Variants in RCC1 observed in about 807,000 individuals in gnomAD.
RCC1 encodes regulator of chromosome condensation.
A neutral mutation model predicts 44.4 loss-of-function variants in RCC1; 11 were observed. The ratio of observed to expected loss-of-function variants is 0.25; its 90% CI spans 0.16 to 0.41. RCC1 has a LOEUF of 0.41. Among genes scored for constraint, RCC1 ranks in the 10% least tolerant of loss-of-function variants. The pLI, the probability that RCC1 is intolerant of heterozygous loss-of-function variation, is 1.00. For missense variants in RCC1, 386 were observed against 547.1 expected (o/e 0.71, Z 2.94); for synonymous variants, 213 against 216.5 (o/e 0.98, Z 0.14).
At chr1:28,535,468 G>A in intron 9 of RCC1, 88 bp downstream of exon 9, 1 of 1,582,582 alleles carries the variant, frequency 6.3e-7, no homozygotes. Context: ...GCTGTGGTCA[G>A]GCTTGCATCA....
intron 4 of RCC1, among the ~76,000 whole-genome samples, chr1:28,520,571 T>G (rs1663205312): frequency 6.6e-6 from 1 of 152,158 alleles, no homozygotes; most frequent in African/African-American, 2.4e-5. Flanking sequence ...GGGATGAGTC[T>G]GCTCACCTCA....
chr1:28,533,042 G>A (rs1052781687), intron 7 of RCC1, among the ~76,000 whole-genome samples: 1 of 151,878 alleles, frequency 6.6e-6, no homozygotes, highest in African/African-American at 2.4e-5. Flanking sequence ...TCGAACTCCC[G>A]ACCCCAGGTG....
chr1:28,511,307 C>G (rs1019700350), intron 3 of RCC1, among the ~76,000 whole-genome samples: 2 of 151,952 alleles, frequency 1.3e-5, no homozygotes, highest in Admixed American at 6.6e-5. Flanking sequence ...TTCTTAGGGT[C>G]TCTAGATGGA....
chr1:28,523,317 C>A (rs991402507), intron 4 of RCC1, among the ~76,000 whole-genome samples: 1 of 152,070 alleles, frequency 6.6e-6, no homozygotes. Flanking sequence ...CCGCGCCCGG[C>A]CAGAAGAAAT....
chr1:28,533,958 A>G (rs1345659697), intron 7 of RCC1, among the ~76,000 whole-genome samples: 3 of 127,072 alleles, frequency 2.4e-5, no homozygotes, highest in Admixed American at 9.3e-5. Flanking sequence ...GCTCAGTGCA[A>G]CCTCTGCCTC....
chr1:28,507,308 T>C (rs916480912), intron 1 of RCC1: 1 of 510,892 alleles, frequency 2.0e-6, no homozygotes, highest in East Asian at 5.5e-5. Context: ...TGTAGTAACA[T>C]GAATGGATGA....
chr1:28,528,023 A>AAAAC (rs1292726296), intron 4 of RCC1, among the ~76,000 whole-genome samples: 1 of 150,436 alleles, frequency 6.6e-6, no homozygotes, highest in African/African-American at 2.5e-5. Context: ...AAAAAAAAAA[A>AAAAC]AAAAACATGT....
intron 4 of RCC1, 83 bp downstream of exon 4, chr1:28,516,950 GTC>G (rs1447998094): frequency 1.1e-5 from 5 of 441,328 alleles, no homozygotes; most frequent in African/African-American, 8.1e-5. Flanking sequence ...GCGAAACCCA[GTC>G]TCTACTAAAA....
In RCC1 at chr1:28,536,464, T is replaced by A. The variant is rs551256550; in HGVS notation, c.937+83T>A. 6.6e-7 allele frequency: 1 copy of A among 1,516,102 alleles called. No homozygotes were observed. Among genetic ancestry groups the A allele is most frequent in the African/African-American group, 1.4e-5 (1 of 72,410 alleles). 93.9% of individuals were successfully genotyped at this position (1,516,102 alleles called of 1,614,324 possible). A position where few individuals can be genotyped will look rare whatever the true frequency, so the allele number is the denominator to read the frequency against. ...AGCCAGATTCCTGAGACCATGGTCC[T>A]TGGAGCCTGGGTCTGTTCCATGGGT... On this transcript the variant is annotated intron_variant, in intron 11 of 12. Coordinates refer to ENST00000683442, the MANE Select transcript of RCC1 (RefSeq NM_001381865.2). The surrounding 1 kb of genome is among the most constrained non-coding windows in gnomAD (Gnocchi z 4.9).
At chr1:28,520,819 T>C (rs1386309656) in intron 4 of RCC1, among the ~76,000 whole-genome samples, 1 of 152,178 alleles carries the variant, frequency 6.6e-6, no homozygotes, top group Non-Finnish European at 1.5e-5. Context: ...GGCTCACGAC[T>C]GTAACCCCAG....
Position 28,536,995 on chromosome 1 carries a change from G to T in RCC1, c.1090+96G>T. The T allele has an allele frequency of 2.2e-6, 3 of 1,377,772 alleles. No homozygotes were observed. In the South Asian group the frequency reaches 3.8e-5, roughly 17 times the overall value. The allele number at this position is 1,377,772 out of a possible 1,614,324, so 85.3% of individuals were successfully genotyped here. Reference sequence around the variant, plus strand: ...GGCTGTGATGTCCACTCTCGGGGGAGCCGAGGTACAGAGAGCAGTGTTTGT... The same window carrying T: ...GGCTGTGATGTCCACTCTCGGGGGATCCGAGGTACAGAGAGCAGTGTTTGT... On this transcript the variant is annotated intron_variant, in intron 12 of 12. Transcript: ENST00000683442. This position sits in a 1 kb window ranked among gnomAD's most constrained non-coding sequence, Gnocchi z 4.9.
At chr1:28,528,441 C>T (rs891203454) in intron 4 of RCC1, among the ~76,000 whole-genome samples, 15 of 151,980 alleles carry the variant, frequency 9.9e-5, no homozygotes, top group Non-Finnish European at 1.8e-4. Flanking sequence ...GGTGACAGAA[C>T]GAGACTCCAT....
chr1:28,536,417 G>A lies in RCC1; in HGVS notation c.937+36G>A. The A allele has an allele frequency of 6.2e-7, 1 of 1,605,194 alleles. No homozygotes were observed. The highest frequency in any genetic ancestry group is 8.5e-7 in the Non-Finnish European group (1 of 1,177,048). Reference sequence around the variant, plus strand: ...TACGTCCTTCTCTAGTTTGGGGGTGGAGTGTTCCCTGGCCTAGGCCTAGCC... The same window carrying A: ...TACGTCCTTCTCTAGTTTGGGGGTGAAGTGTTCCCTGGCCTAGGCCTAGCC... On this transcript the variant is annotated intron_variant, in intron 11 of 12. Coordinates refer to ENST00000683442, the MANE Select transcript of RCC1 (RefSeq NM_001381865.2). The surrounding 1 kb of genome is among the most constrained non-coding windows in gnomAD (Gnocchi z 4.9).
At chr1:28,509,968 C>T (rs905292182) in intron 3 of RCC1, 2 of 152,194 alleles carry the variant, frequency 1.3e-5, no homozygotes, top group African/African-American at 4.8e-5. Context: ...CCTGGCGCAC[C>T]TCCGCCTGAA....
chr1:28,517,663 CCT>C (rs1381283564), intron 4 of RCC1, among the ~76,000 whole-genome samples: 1 of 152,084 alleles, frequency 6.6e-6, no homozygotes, highest in Non-Finnish European at 1.5e-5. Flanking sequence ...AGGCTGGACC[CCT>C]TAGACACACA....
intron 4 of RCC1, among the ~76,000 whole-genome samples, chr1:28,522,237 A>C (rs1189688103): frequency 6.6e-6 from 1 of 152,202 alleles, no homozygotes; most frequent in Non-Finnish European, 1.5e-5. Flanking sequence ...ATGTTCTTCC[A>C]GTGGGATAAG....
chr1:28,529,917 C>G lies in RCC1; in HGVS notation c.51C>G (p.Ile17Met), dbSNP rs773892008. 36 of 1,613,832 alleles carry G rather than the reference C, an allele frequency of 2.2e-5. No individual in the cohort carries two copies. The highest frequency in any genetic ancestry group is 3.0e-5 in the Non-Finnish European group (35 of 1,179,958). Residue 17 changes from isoleucine (I) to methionine (M), a missense_variant, in exon 5 of 13, where the codon ATC (isoleucine) becomes ATG (methionine). By Grantham distance (10) the Ile-to-Met change is conservative. Transcript: ENST00000683442. ...GAAGGTCCCCCCCAGCAGATGCCAT[C>G]CCCAAAAGCAAGAAGGTGAAGGGTA... ...AKRRSPPADA[I>M]PKSKKVKVSH...
rs776613584 is a variant in RCC1 at position 28,535,887 on chromosome 1, C to G, written c.678C>G (p.Pro226=). 6.2e-7 allele frequency: 1 copy of G among 1,613,590 alleles called. No homozygotes were observed. Among genetic ancestry groups the G allele is most frequent in the Admixed American group, 1.7e-5 (1 of 59,946 alleles). Residue 226 remains proline (P), a synonymous_variant, in exon 10 of 13, where the codon CCC becomes CCG. Coordinates refer to ENST00000683442, the MANE Select transcript of RCC1 (RefSeq NM_001381865.2). ...TGCCTGCAGAACGACTCCTGGTCCC[C>G]AAGTGTGTGATGCTGAAATCCAGGG... ...GRQGLERLLV[P]KCVMLKSRGS...
At chr1:28,510,274 C>G (rs1016431966) in intron 3 of RCC1, 1 of 152,214 alleles carries the variant, frequency 6.6e-6, no homozygotes, top group African/African-American at 2.4e-5. Context: ...TAGTTACTAG[C>G]TATGATTGTG....
Sources: gnomAD v4.1 joint callset for allele counts (sites outside exome capture counted in the v4.1 genomes callset) on GRCh38, gnomAD v4.1.1 for gene constraint, Gnocchi (gnomAD v3.1) non-coding constraint, MANE v1.5 for transcripts, NCBI Gene and HGNC (gene_info 2026-07-23, HGNC 2026-07-21) for gene names.